CFTR: variants seen among roughly 807,000 people sequenced by gnomAD.
CFTR encodes cystic fibrosis transmembrane conductance regulator.
Under a neutral mutation model 171.6 loss-of-function variants are expected in CFTR, and 181 were observed. The observed-to-expected ratio is 1.05, with a 90% CI of 0.93 to 1.19. CFTR has a LOEUF of 1.19. Among genes scored for constraint, CFTR ranks in the 50% most tolerant of loss-of-function variants. CFTR has a pLI of 0.00. For synonymous variants in CFTR, 583 were observed against 608.0 expected (o/e 0.96, Z 0.60); for missense variants, 1,968 against 1,734.7 (o/e 1.13, Z -2.39).
chr7:117,601,697 T>A (rs1228224161), intron 15 of CFTR, among the ~76,000 whole-genome samples: 1 of 152,218 alleles, frequency 6.6e-6, no homozygotes, highest in East Asian at 1.9e-4. Context: ...GGTAAAGGTA[T>A]CATTTGGCTA....
intron 3 of CFTR, among the ~76,000 whole-genome samples, chr7:117,525,180 A>T (rs900772785): frequency 6.6e-6 from 1 of 152,312 alleles, no homozygotes; most frequent in Non-Finnish European, 1.5e-5. Context: ...GAGATGAGAG[A>T]ACTATAATAT....
intron 26 of CFTR, among the ~76,000 whole-genome samples, chr7:117,666,364 T>G (rs1793376973): frequency 6.6e-6 from 1 of 152,208 alleles, no homozygotes; most frequent in Non-Finnish European, 1.5e-5. Context: ...GTTATTACCA[T>G]GATTATCACT....
intron 10 of CFTR, among the ~76,000 whole-genome samples, chr7:117,556,778 CA>C (rs1342888746): frequency 6.6e-6 from 1 of 151,438 alleles, no homozygotes; most frequent in Non-Finnish European, 1.5e-5. Flanking sequence ...CTCGGCCTCC[CA>C]AAGTGCTGGG....
At chr7:117,598,399 A>C (rs4148714) in intron 15 of CFTR, among the ~76,000 whole-genome samples, 23,684 of 152,124 alleles carry the variant, frequency 0.16, 2,412 homozygotes, top group East Asian at 0.31. Context: ...ATTTGTAAAT[A>C]ACTGAGACCC....
intron 3 of CFTR, among the ~76,000 whole-genome samples, chr7:117,518,832 A>C (rs977280082): frequency 6.6e-6 from 1 of 152,088 alleles, no homozygotes; most frequent in Non-Finnish European, 1.5e-5. Flanking sequence ...ATCTTGTAGC[A>C]CCAGTTTGAT....
intron 11 of CFTR, among the ~76,000 whole-genome samples, chr7:117,568,137 C>A (rs78897605): frequency 2.6e-5 from 4 of 152,068 alleles, no homozygotes; most frequent in Non-Finnish European, 1.5e-5. Context: ...GAGCACTTTG[C>A]CCTTTGGGGA....
chr7:117,609,297 A>T (rs1792346370), intron 18 of CFTR, among the ~76,000 whole-genome samples: 1 of 152,210 alleles, frequency 6.6e-6, no homozygotes, highest in African/African-American at 2.4e-5. Flanking sequence ...GAAGGGTCTC[A>T]GATTTGTCAC....
intron 11 of CFTR, chr7:117,586,202 T>A (rs940280683): frequency 2.6e-5 from 4 of 152,166 alleles, no homozygotes; most frequent in Non-Finnish European, 5.9e-5. Flanking sequence ...GTCCAGTTCA[T>A]GAGTTGAACA....
At position 117,652,748 on chromosome 7, in the gene CFTR, T is replaced by A. The variant is rs950610055; in HGVS notation, c.3874-94T>A. On this transcript the variant is annotated intron_variant, in intron 23 of 26. Coordinates refer to ENST00000003084, the MANE Select transcript of CFTR (RefSeq NM_000492.4). ...TGGGTGTTTCTTATTTTAAAATAAT[T>A]TTTCTACTTGAAATATTTTACAATA... is the stretch of plus-strand genomic sequence containing the variant. The A allele has an allele frequency of 6.0e-6, 4 of 671,068 alleles. No individual in the cohort carries two copies. In the African/African-American group the frequency reaches 7.3e-5, roughly 12 times the overall value. 41.6% of individuals were successfully genotyped at this position (671,068 alleles called of 1,614,324 possible).
intron 24 of CFTR, among the ~76,000 whole-genome samples, chr7:117,658,684 C>T (rs1182276660): frequency 1.3e-5 from 2 of 152,150 alleles, no homozygotes; most frequent in African/African-American, 2.4e-5. Context: ...AGACCTGGGA[C>T]TCATCTTTCA....
chr7:117,661,537 C>T (rs534224874), intron 24 of CFTR, among the ~76,000 whole-genome samples: 1 of 152,226 alleles, frequency 6.6e-6, no homozygotes, highest in East Asian at 1.9e-4. Context: ...GCATTCTGAC[C>T]AAAATCTCCA....
intron 26 of CFTR, 90 bp downstream of exon 26, chr7:117,665,654 A>G (rs530928917): frequency 1.5e-5 from 13 of 848,384 alleles, no homozygotes; most frequent in East Asian, 2.5e-5. Context: ...AATTGCAACA[A>G]TGTACAAGTT....
chr7:117,571,751 C>T (rs979742018), intron 11 of CFTR, among the ~76,000 whole-genome samples: 7 of 152,010 alleles, frequency 4.6e-5, no homozygotes, highest in Admixed American at 2.6e-4. Context: ...TGCACACATA[C>T]AGAAATAAAC....
chr7:117,647,343 T>C (rs1301603346), intron 23 of CFTR: 2 of 152,132 alleles, frequency 1.3e-5, no homozygotes, highest in African/African-American at 4.8e-5. Flanking sequence ...TAAATGTAAC[T>C]GGCTCACGGT....
rs1371379517 is a variant in CFTR, at chr7:117,664,757, G to A, written c.4033G>A (p.Val1345Ile). ...CTTTGTCCTTGTGGATGGGGGCTGT[G>A]TCCTAAGCCATGGCCACAAGCAGTT... ...LDFVLVDGGCVLSHGHKQLMC... is the reference protein window; with the variant it reads ...LDFVLVDGGCILSHGHKQLMC... Residue 1345 changes from valine (V) to isoleucine (I), a missense_variant, in exon 25 of 27, where the codon GTC becomes ATC. Val to Ile is a conservative substitution (Grantham distance 29, BLOSUM62 3). Coordinates refer to ENST00000003084, the MANE Select transcript of CFTR (RefSeq NM_000492.4). 1.2e-6 allele frequency: 2 copies of A among 1,613,920 alleles called. No homozygotes were observed. The highest frequency in any genetic ancestry group is 1.7e-6 in the Non-Finnish European group (2 of 1,179,944).
At chr7:117,559,259 G>T (rs1333823996) in intron 10 of CFTR, among the ~76,000 whole-genome samples, 1 of 152,094 alleles carries the variant, frequency 6.6e-6, no homozygotes, top group African/African-American at 2.4e-5. Context: ...ACACTGTATT[G>T]TAATTGTCTC....
At chr7:117,529,513 TA>T (rs61443875) in intron 3 of CFTR, among the ~76,000 whole-genome samples, 36,845 of 119,836 alleles carry the variant, frequency 0.31, 4,868 homozygotes, top group Non-Finnish European at 0.35. Context: ...ACTTAGAGTA[TA>T]AAAAAAAAAA....
At chr7:117,482,751 G>A (rs1427958015) in intron 1 of CFTR, among the ~76,000 whole-genome samples, 1 of 152,126 alleles carries the variant, frequency 6.6e-6, no homozygotes, top group Non-Finnish European at 1.5e-5. Context: ...AACTTTTAAG[G>A]TAGTTATTCA....
At chr7:117,510,591 C>T (rs931900462) in intron 3 of CFTR, among the ~76,000 whole-genome samples, 2 of 152,216 alleles carry the variant, frequency 1.3e-5, no homozygotes, top group Admixed American at 6.5e-5. Context: ...TGAGTAGAAG[C>T]TGGAAGAGGG....
Sources: gnomAD v4.1 joint callset for allele counts (sites outside exome capture counted in the v4.1 genomes callset) on GRCh38, gnomAD v4.1.1 for gene constraint, MANE v1.5 for transcripts, NCBI Gene and HGNC (gene_info 2026-07-23, HGNC 2026-07-21) for gene names.